WRN: variants seen among roughly 807,000 people sequenced by gnomAD.
The protein encoded by WRN is WRN RecQ like helicase, also known as bifunctional 3'-5' exonuclease/ATP-dependent helicase WRN.
WRN carries 149 observed loss-of-function variants against 180.7 expected under a neutral mutation model. That is an observed-to-expected ratio of 0.82 (90% confidence interval 0.72 to 0.94). The LOEUF is 0.94. Ranked by LOEUF, WRN falls within the 40% of genes least tolerant of loss-of-function variation. The probability of loss-of-function intolerance (pLI) is 0.00; values close to 1 mark genes in which losing one functional copy is unlikely to be tolerated. For synonymous variants in WRN, 548 were observed against 568.9 expected (o/e 0.96, Z 0.52); for missense variants, 1,661 against 1,700.1 (o/e 0.98, Z 0.40).
Position 31,142,542 on chromosome 8 carries a change from C to CT in WRN, c.3234-81dup, listed in dbSNP as rs3087434. The CT allele has an allele frequency of 1.1e-4, 123 of 1,087,378 alleles. No homozygotes were observed. The African/African-American group carries it at 1.7e-3, about 15-fold the overall frequency. The allele number at this position is 1,087,378 out of a possible 1,614,324, so 67.4% of individuals were successfully genotyped here. ...TCTAAAAGGGTAATATCTTATTCAT[C>CT]TTTCTGAGAATGGAGTATCATGATT... On this transcript the variant is annotated intron_variant, in intron 26 of 34. Transcript: ENST00000298139.
chr8:31,164,038 A>G (rs1803749441), intron 33 of WRN, among the ~76,000 whole-genome samples: 1 of 152,050 alleles, frequency 6.6e-6, no homozygotes, highest in Non-Finnish European at 1.5e-5. Flanking sequence ...AGTTCTCACT[A>G]CATTGCCCAG....
Position 31,064,869 on chromosome 8 carries a change from C to T in WRN, c.356-46C>T, listed in dbSNP as rs184973448. The T allele has an allele frequency of 4.5e-5, 72 of 1,603,602 alleles. No homozygotes were observed. The Admixed American group carries it at 6.3e-4, about 14-fold the overall frequency. ...ATGTATAAGAAGTAGGACATAAATC[C>T]ATCATACTTGACAGAACTTATGGAA... On this transcript the variant is annotated intron_variant, in intron 4 of 34. Coordinates refer to ENST00000298139, the MANE Select transcript of WRN (RefSeq NM_000553.6).
intron 23 of WRN, among the ~76,000 whole-genome samples, chr8:31,130,566 T>G (rs2725356): frequency 0.48 from 72,606 of 151,422 alleles, 17,880 homozygotes; most frequent in East Asian, 0.62. Flanking sequence ...TATAATCTTT[T>G]TGTCATATTT....
intron 17 of WRN, among the ~76,000 whole-genome samples, chr8:31,098,914 C>T (rs11574268): frequency 0.018 from 2,795 of 152,132 alleles, 69 homozygotes; most frequent in African/African-American, 0.064. Flanking sequence ...GACCATCATT[C>T]TGTTTTAACC....
rs752693894 is a variant in WRN at position 31,065,004 on chromosome 8, C to T, written c.445C>T (p.Arg149Cys). ...TGAAGGAGATCAGTGGAAACTTCTA[C>T]GTGACTTTGATATCAAATTGAAGAA... The part of the protein sequence containing the change: ...GIEGDQWKLL[R>C]DFDIKLKNFV... Residue 149 changes from arginine to cysteine, a missense_variant, in exon 5 of 35, where the codon CGT becomes TGT. Around this residue, in one of 3 missense-constraint regions of WRN, gnomAD observed 500 missense variants for 504.1 expected, o/e 0.99. Transcript: ENST00000298139. 2.2e-5 allele frequency: 36 copies of T among 1,613,460 alleles called. No homozygotes were observed. Among genetic ancestry groups the T allele is most frequent in the African/African-American group, 2.7e-5 (2 of 74,888 alleles).
At chr8:31,069,230 A>G (rs1276867468) in intron 7 of WRN, among the ~76,000 whole-genome samples, 3 of 152,272 alleles carry the variant, frequency 2.0e-5, no homozygotes, top group Non-Finnish European at 2.9e-5. Flanking sequence ...CTCATATAAA[A>G]TGATATGATA....
intron 21 of WRN, among the ~76,000 whole-genome samples, chr8:31,121,771 T>C (rs1563363973): frequency 6.6e-6 from 1 of 151,908 alleles, no homozygotes; most frequent in Non-Finnish European, 1.5e-5. Context: ...AGATTTTCCT[T>C]CTGAGTAGTC....
At chr8:31,064,674 A>C (rs1363651542) in intron 4 of WRN, among the ~76,000 whole-genome samples, 1 of 152,226 alleles carries the variant, frequency 6.6e-6, no homozygotes. Flanking sequence ...TTAAGAGGCT[A>C]AATGACCAGG....
intron 11 of WRN, among the ~76,000 whole-genome samples, chr8:31,086,065 ATTTC>A (rs1156516118): frequency 6.6e-6 from 1 of 152,016 alleles, no homozygotes; most frequent in Non-Finnish European, 1.5e-5. Flanking sequence ...TTTACCTCTA[ATTTC>A]TTTGTCAGGT....
chr8:31,045,403 ATTTT>A (rs59456074), intron 1 of WRN, among the ~76,000 whole-genome samples: 1 of 139,702 alleles, frequency 7.2e-6, no homozygotes. Flanking sequence ...TTCCACACTA[ATTTT>A]TTTTTTTTTT....
intron 16 of WRN, among the ~76,000 whole-genome samples, chr8:31,094,547 A>G (rs567899152): frequency 2.0e-5 from 3 of 151,820 alleles, no homozygotes; most frequent in South Asian, 2.1e-4. Context: ...AGATTTTGCT[A>G]TGTTGCCCAG....
chr8:31,110,802 AAGAC>A (rs1801282404), intron 18 of WRN, among the ~76,000 whole-genome samples: 1 of 152,192 alleles, frequency 6.6e-6, no homozygotes, highest in Non-Finnish European at 1.5e-5. Context: ...AAACAACTGT[AAGAC>A]AGTCCACTTT....
intron 20 of WRN, 42 bp downstream of exon 20, chr8:31,116,570 G>T: frequency 6.2e-7 from 1 of 1,609,212 alleles, no homozygotes; most frequent in Non-Finnish European, 8.5e-7. Flanking sequence ...GCTCATAGTG[G>T]AAGTGGATAT....
intron 26 of WRN, among the ~76,000 whole-genome samples, chr8:31,142,042 TG>T (rs1802660249): frequency 6.6e-6 from 1 of 152,052 alleles, no homozygotes; most frequent in Admixed American, 6.6e-5. Context: ...CTCGATCTCG[TG>T]GGCCCAAGTA....
intron 2 of WRN, among the ~76,000 whole-genome samples, 181 bp downstream of exon 2, chr8:31,058,724 A>G (rs535823414): frequency 6.6e-6 from 1 of 152,236 alleles, no homozygotes; most frequent in Non-Finnish European, 1.5e-5. Flanking sequence ...TGGGTTTACA[A>G]AATGAGAATT....
chr8:31,068,438 T>G, intron 7 of WRN, 111 bp downstream of exon 7: 1 of 897,234 alleles, frequency 1.1e-6, no homozygotes, highest in Non-Finnish European at 1.8e-6. Flanking sequence ...ACTTCTTGAA[T>G]GTCTGAGCAG....
intron 1 of WRN, among the ~76,000 whole-genome samples, chr8:31,036,394 G>A (rs1811454267): frequency 6.6e-6 from 1 of 152,166 alleles, no homozygotes; most frequent in South Asian, 2.1e-4. Flanking sequence ...TAGTGGATTT[G>A]CTGGACCCGC....
At chr8:31,162,145 CTTCT>C (rs371713468) in intron 33 of WRN, among the ~76,000 whole-genome samples, 5,856 of 152,080 alleles carry the variant, frequency 0.039, 375 homozygotes, top group African/African-American at 0.13. Flanking sequence ...TGTAATGATT[CTTCT>C]TTATGAATTA....
At chr8:31,163,283 A>G (rs1803708555) in intron 33 of WRN, among the ~76,000 whole-genome samples, 1 of 152,240 alleles carries the variant, frequency 6.6e-6, no homozygotes, top group South Asian at 2.1e-4. Flanking sequence ...TGCCTATGGT[A>G]AAGAATTGAA....
Sources: allele counts gnomAD v4.1 joint callset (sites outside exome capture counted in the v4.1 genomes callset), GRCh38; gene constraint gnomAD v4.1.1; regional missense constraint gnomAD v4.1.1; transcripts MANE v1.5; gene names NCBI Gene and HGNC (gene_info 2026-07-23, HGNC 2026-07-21).